The following MTOR variants were observed in gnomAD, a reference collection of about 807,000 sequenced individuals.
MTOR encodes serine/threonine-protein kinase mTOR.
Under a neutral mutation model 319.8 loss-of-function variants are expected in MTOR, and 70 were observed. That is an observed-to-expected ratio of 0.22 (90% CI 0.18 to 0.27). The LOEUF (loss-of-function observed/expected upper bound fraction) is 0.27. MTOR is among the 10% of genes least tolerant of loss of function. MTOR has a pLI of 1.00. For synonymous variants in MTOR, 1,183 were observed against 1,211.4 expected (o/e 0.98, Z 0.49); for missense variants, 1,890 against 3,274.4 (o/e 0.58, Z 10.32).
rs148486930 is a variant in MTOR, at chr1:11,157,183, G to A, written c.4438C>T (p.Arg1480Cys). Residue 1480 changes from arginine to cysteine, a missense_variant, in exon 30 of 58, where the codon CGC becomes TGC. Physicochemically the swap from Arg to Cys is radical, Grantham distance 180 (BLOSUM62 -3). Coordinates refer to ENST00000361445, the MANE Select transcript of MTOR (RefSeq NM_004958.4). Reference sequence around the variant, plus strand: ...CCCAAGGCCTCGAGGCAGCGCATGCGGCCCAGCATCAGCTCTGGGTCGTCC... The same window carrying A: ...CCCAAGGCCTCGAGGCAGCGCATGCAGCCCAGCATCAGCTCTGGGTCGTCC... ...NKDDPELMLGRMRCLEALGEW... is the reference protein window; with the variant it reads ...NKDDPELMLGCMRCLEALGEW... The A allele has an allele frequency of 1.1e-5, 18 of 1,612,204 alleles. No homozygotes were observed. Among genetic ancestry groups the A allele is most frequent in the East Asian group, 2.2e-5 (1 of 44,654 alleles).
rs775612033 is a variant in MTOR at position 11,115,359 on chromosome 1, G to A, written c.7089+37C>T. On this transcript the variant is annotated intron_variant, in intron 51 of 57. Coordinates refer to ENST00000361445, the MANE Select transcript of MTOR (RefSeq NM_004958.4). This position sits in a 1 kb window ranked among gnomAD's most constrained non-coding sequence, Gnocchi z 4.5. ...AGAGGAGGGGGAAAAGTGATCACCC[G>A]GGAAGATGAGGTTGGGGTTCTAGAA... is the stretch of plus-strand genomic sequence containing the variant. 3.4e-5 allele frequency: 55 copies of A among 1,599,942 alleles called. No individual in the cohort carries two copies. Among genetic ancestry groups the A allele is most frequent in the African/African-American group, 1.1e-4 (8 of 74,606 alleles).
chr1:11,140,285 G>T (rs1643630043), intron 34 of MTOR, among the ~76,000 whole-genome samples: 1 of 130,690 alleles, frequency 7.7e-6, no homozygotes, highest in Non-Finnish European at 1.6e-5. Context: ...GACTAGTTTT[G>T]TGGAAGACAA....
intron 28 of MTOR, among the ~76,000 whole-genome samples, chr1:11,186,082 C>CA (rs765868801): frequency 0.074 from 2,965 of 39,932 alleles, 128 homozygotes; most frequent in Non-Finnish European, 0.085. Flanking sequence ...GACTCCGTCT[C>CA]AAAAAAAAAA....
At chr1:11,118,487 G>T (rs1020225407) in intron 49 of MTOR, among the ~76,000 whole-genome samples, 1 of 150,894 alleles carries the variant, frequency 6.6e-6, no homozygotes, top group Non-Finnish European at 1.5e-5. Context: ...CGCCCGCCTC[G>T]GCCTCCTAAA....
At position 11,130,588 on chromosome 1, in the gene MTOR, C is replaced by T. The variant is rs745409542; in HGVS notation, c.5554G>A (p.Glu1852Lys). 11 of 1,613,732 alleles carry T rather than the reference C, an allele frequency of 6.8e-6. No individual in the cohort carries two copies. Among genetic ancestry groups the T allele is most frequent in the Admixed American group, 1.7e-5 (1 of 59,986 alleles). ...GGGCTGTTCTCGGTGCTCTCGGCCTCGCTCTCACTGTTGCTGCCCTCGGTG... is the reference window on the plus strand; with the variant it reads ...GGGCTGTTCTCGGTGCTCTCGGCCTTGCTCTCACTGTTGCTGCCCTCGGTG... ...ASTEGSNSES[E>K]AESTENSPTP... is the part of the protein sequence containing the mutation. Residue 1852 changes from glutamate (E) to lysine (K), a missense_variant, in exon 39 of 58, where the codon GAG becomes AAG. By Grantham distance (56) the Glu-to-Lys change is moderately conservative (BLOSUM62 1). Transcript: ENST00000361445.
At chr1:11,142,334 GCTGGA>G (rs1309154593) in intron 34 of MTOR, among the ~76,000 whole-genome samples, 1 of 152,078 alleles carries the variant, frequency 6.6e-6, no homozygotes, top group East Asian at 1.9e-4. Flanking sequence ...TGTCCCTCAG[GCTGGA>G]GTGCAGTGGC....
At chr1:11,126,942 A>G in intron 45 of MTOR, 68 bp downstream of exon 45, 2 of 1,592,460 alleles carry the variant, frequency 1.3e-6, no homozygotes, top group Non-Finnish European at 1.7e-6. Flanking sequence ...GTGTTAGAAC[A>G]TTCATAGACA....
chr1:11,146,765 T>C lies in MTOR; in HGVS notation c.4597A>G (p.Thr1533Ala), dbSNP rs1250124959. 5 of 1,613,898 alleles carry C rather than the reference T, an allele frequency of 3.1e-6. No individual in the cohort carries two copies. In the African/African-American group the frequency reaches 6.7e-5, roughly 22 times the overall value. Residue 1533 changes from threonine to alanine, a missense_variant, in exon 32 of 58, where the codon ACC becomes GCC. Around this residue, in one of 15 missense-constraint regions of MTOR, gnomAD observed 276 missense variants for 459.4 expected, o/e 0.60. Coordinates refer to ENST00000361445, the MANE Select transcript of MTOR (RefSeq NM_004958.4). ...TGGGTGTCCCGAGGGATCATACAGG[T>C]GTATTCTTCCATGCTGTCCCACTGA... is the stretch of plus-strand genomic sequence containing the variant. ...LGQWDSMEEY[T>A]CMIPRDTHDG...
intron 29 of MTOR, among the ~76,000 whole-genome samples, chr1:11,159,097 A>G (rs1392646421): frequency 6.6e-6 from 1 of 152,242 alleles, no homozygotes; most frequent in African/African-American, 2.4e-5. Context: ...AGTATGGGGT[A>G]TAAACCATCT....
In MTOR at chr1:11,194,651, T is replaced by A. The variant is rs747046261; in HGVS notation, c.4253+4607A>T. 48 of 1,614,040 alleles carry A rather than the reference T, an allele frequency of 3.0e-5. No individual in the cohort carries two copies. The highest frequency in any genetic ancestry group is 3.7e-5 in the Non-Finnish European group (44 of 1,180,002). On this transcript the variant is annotated intron_variant, in intron 28 of 57. Transcript: ENST00000361445. ...AACTGCTTGGACAAGTGTGCACAGC[T>A]CCGCAAAGGTGAGATTTGGGGGGAC...
At chr1:11,257,229 C>T in intron 3 of MTOR, 64 bp from the exon 4 acceptor site, 1 of 1,408,798 alleles carries the variant, frequency 7.1e-7, no homozygotes. Flanking sequence ...AGTACGCAGA[C>T]TTCAACTAAA....
chr1:11,198,921 C>T (rs1456933635), intron 28 of MTOR, among the ~76,000 whole-genome samples: 1 of 152,212 alleles, frequency 6.6e-6, no homozygotes, highest in Non-Finnish European at 1.5e-5. Context: ...TCTACTCCAG[C>T]TCTAGACAGC....
At chr1:11,114,592 G>A in intron 52 of MTOR, 139 bp from the exon 53 acceptor site, 1 of 1,283,326 alleles carries the variant, frequency 7.8e-7, no homozygotes, top group African/African-American at 1.5e-5. Flanking sequence ...TTAGGAGAAG[G>A]AATCAGGGCA....
chr1:11,261,963 T>C (rs1034905392), intron 1 of MTOR, among the ~76,000 whole-genome samples: 3 of 151,976 alleles, frequency 2.0e-5, no homozygotes, highest in Non-Finnish European at 2.9e-5. Context: ...GAAGTTAAGA[T>C]TGGATGGGGG....
In MTOR at chr1:11,128,805, C is replaced by T. The variant is rs1211204506; in HGVS notation, c.5811+50G>A. The stretch of plus-strand genomic sequence containing the variant: ...CACAGCATGCTTGTAAGAGGAGACA[C>T]ACAGAAGAGAGACTTGGAGCCACCT... On this transcript the variant is annotated intron_variant, in intron 41 of 57. Coordinates refer to ENST00000361445, the MANE Select transcript of MTOR (RefSeq NM_004958.4). The surrounding 1 kb of genome is among the most constrained non-coding windows in gnomAD (Gnocchi z 5.3). 1 of 1,469,314 alleles carries T rather than the reference C, an allele frequency of 6.8e-7. No individual in the cohort carries two copies. Among genetic ancestry groups the T allele is most frequent in the Non-Finnish European group, 9.5e-7 (1 of 1,053,642 alleles). 91.0% of individuals were successfully genotyped at this position (1,469,314 alleles called of 1,614,324 possible). A position where few individuals can be genotyped will look rare whatever the true frequency, so the allele number is the denominator to read the frequency against.
chr1:11,177,713 G>GA (rs1295321168), intron 28 of MTOR, among the ~76,000 whole-genome samples: 2 of 152,194 alleles, frequency 1.3e-5, no homozygotes, highest in Non-Finnish European at 2.9e-5. Flanking sequence ...CTGTATGTGA[G>GA]AAAGTGTGAG....
chr1:11,189,470 T>C, intron 28 of MTOR: 1 of 1,322,262 alleles, frequency 7.6e-7, no homozygotes, highest in South Asian at 1.4e-5. Context: ...GGCGAGGCCC[T>C]CAGAGTGAAA....
rs764160487 is a variant in MTOR, at chr1:11,194,982, C to T, written c.4253+4276G>A. On this transcript the variant is annotated intron_variant, in intron 28 of 57. Coordinates refer to ENST00000361445, the MANE Select transcript of MTOR (RefSeq NM_004958.4). ...GCATGGATCTACCTACTCCCTCAAA[C>T]GGGTGGAGATGAAAATCCGCCCAGA... 99 of 1,613,972 alleles carry T rather than the reference C, an allele frequency of 6.1e-5. No homozygotes were observed. The East Asian group carries it at 6.5e-4, about 11-fold the overall frequency.
intron 16 of MTOR, among the ~76,000 whole-genome samples, 155 bp downstream of exon 16, chr1:11,232,281 C>G (rs1466710410): frequency 6.6e-6 from 1 of 152,182 alleles, no homozygotes; most frequent in African/African-American, 2.4e-5. Context: ...TCAAATCTTT[C>G]TAACTTTTAC....
Sources: gnomAD v4.1 joint callset for allele counts (sites outside exome capture counted in the v4.1 genomes callset) on GRCh38, gnomAD v4.1.1 for gene constraint, gnomAD v4.1.1 regional missense constraint, Gnocchi (gnomAD v3.1) non-coding constraint, MANE v1.5 for transcripts, NCBI Gene and HGNC (gene_info 2026-07-23, HGNC 2026-07-21) for gene names.